The following KIF6 variants were observed in gnomAD, a reference collection of about 807,000 sequenced individuals.
KIF6 encodes the protein kinesin-like protein KIF6.
In KIF6, 106 loss-of-function variants were observed where a neutral mutation model predicts 112.7. That is an observed-to-expected ratio of 0.94 (90% CI 0.80 to 1.11). The LOEUF (loss-of-function observed/expected upper bound fraction) is 1.11. Among genes scored for constraint, KIF6 ranks in the 50% least tolerant of loss-of-function variants. The pLI, the probability that KIF6 is intolerant of heterozygous loss-of-function variation, is 0.00. For missense variants in KIF6, 929 were observed against 964.0 expected (o/e 0.96, Z 0.48); for synonymous variants, 339 against 339.9 (o/e 1.00, Z 0.03).
At chr6:39,439,468 C>T (rs1342768875) in intron 13 of KIF6, among the ~76,000 whole-genome samples, 2 of 152,180 alleles carry the variant, frequency 1.3e-5, no homozygotes, top group African/African-American at 4.8e-5. Context: ...AGAGGAATTT[C>T]TGAGTCTCAT....
At chr6:39,684,722 G>A (rs1787753571) in intron 3 of KIF6, among the ~76,000 whole-genome samples, 3 of 151,862 alleles carry the variant, frequency 2.0e-5, no homozygotes, top group South Asian at 2.1e-4. Flanking sequence ...CCTGGGGGAC[G>A]GAGGTTGCAG....
chr6:39,626,406 G>A (rs533074065), intron 5 of KIF6, among the ~76,000 whole-genome samples: 87 of 152,116 alleles, frequency 5.7e-4, no homozygotes, highest in Non-Finnish European at 1.0e-3. Context: ...TGGAATACTG[G>A]GATATGACAC....
intron 13 of KIF6, among the ~76,000 whole-genome samples, chr6:39,531,290 T>C (rs1342440496): frequency 6.6e-6 from 1 of 152,208 alleles, no homozygotes; most frequent in Non-Finnish European, 1.5e-5. Context: ...AACTCTAGTC[T>C]GTCTCAATAG....
chr6:39,346,642 ATTTTCTTT>A (rs1763830819), intron 19 of KIF6, 116 bp from the exon 20 acceptor site: 16 of 536,776 alleles, frequency 3.0e-5, no homozygotes, highest in East Asian at 2.4e-4. Context: ...TTACACAGTA[ATTTTCTTT>A]TTTTCTTTTT....
rs892728192 is a variant in KIF6 at position 39,330,114 on chromosome 6, A to T, written c.*6418T>A. 3.3e-5 allele frequency: 5 copies of T among 152,198 alleles called. No individual in the cohort carries two copies. The highest frequency in any genetic ancestry group is 1.2e-4 in the African/African-American group (5 of 41,450). 9.4% of individuals were successfully genotyped at this position (152,198 alleles called of 1,614,324 possible). A position where few individuals can be genotyped will look rare whatever the true frequency, so the allele number is the denominator to read the frequency against. On this transcript the variant is annotated 3_prime_UTR_variant, in exon 23 of 23. Coordinates refer to ENST00000287152, the MANE Select transcript of KIF6 (RefSeq NM_145027.6). Reference sequence around the variant, plus strand: ...GTGGCCCAATCCCAGGTAGTGCCATAAAAGAAATGCCACACCAGCCAGCGG... The same window carrying T: ...GTGGCCCAATCCCAGGTAGTGCCATTAAAGAAATGCCACACCAGCCAGCGG...
intron 10 of KIF6, among the ~76,000 whole-genome samples, chr6:39,561,599 C>T (rs1010385536): frequency 3.0e-4 from 46 of 152,066 alleles, no homozygotes; most frequent in African/African-American, 1.1e-3. Flanking sequence ...CTCAAGTGAT[C>T]CGCCTGCCTT....
At position 39,596,704 on chromosome 6, in the gene KIF6, A is replaced by T. The variant is rs112558107; in HGVS notation, c.640-444T>A. Among the ~76,000 whole-genome samples the T allele has an allele frequency of 3.8e-3, 578 of 152,318 alleles. 5 individuals carry two copies. The highest frequency in any genetic ancestry group is 0.013 in the African/African-American group (549 of 41,582). ...AACCTACCATCACTGTTACTACTCA[A>T]CACTAAAGTGGAGGCCCTAGACAAT... is the stretch of plus-strand genomic sequence containing the variant. On this transcript the variant is annotated intron_variant, in intron 6 of 22. Transcript: ENST00000287152.
intron 3 of KIF6, among the ~76,000 whole-genome samples, chr6:39,698,967 T>A (rs1360192884): frequency 6.6e-6 from 1 of 152,218 alleles, no homozygotes; most frequent in Non-Finnish European, 1.5e-5. Context: ...AAAAACACCT[T>A]GCAGTTATGT....
At chr6:39,474,322 C>T (rs1206511196) in intron 13 of KIF6, among the ~76,000 whole-genome samples, 2 of 152,202 alleles carry the variant, frequency 1.3e-5, no homozygotes, top group Admixed American at 6.5e-5. Flanking sequence ...TCCCCACTCA[C>T]ATTATTTTCC....
chr6:39,652,184 A>T (rs1785506475), intron 3 of KIF6, among the ~76,000 whole-genome samples: 1 of 152,214 alleles, frequency 6.6e-6, no homozygotes, highest in Non-Finnish European at 1.5e-5. Context: ...TAGTAGAGAT[A>T]CAGCATCATC....
intron 3 of KIF6, among the ~76,000 whole-genome samples, chr6:39,671,503 G>C (rs1190243773): frequency 6.6e-6 from 1 of 152,186 alleles, no homozygotes; most frequent in Non-Finnish European, 1.5e-5. Context: ...GAGGCTGGCA[G>C]GGGAAAGGAG....
intron 13 of KIF6, among the ~76,000 whole-genome samples, chr6:39,470,258 T>C (rs987300109): frequency 1.4e-4 from 22 of 151,802 alleles, no homozygotes; most frequent in South Asian, 1.0e-3. Flanking sequence ...AGTTCAGAGG[T>C]CTAGGAGCAA....
chr6:39,390,048 A>AAAG (rs1554206213), intron 15 of KIF6, among the ~76,000 whole-genome samples: 4,423 of 137,232 alleles, frequency 0.032, 136 homozygotes, highest in Non-Finnish European at 0.039. Context: ...AAAAAAAAAA[A>AAAG]AAAAGGAAAT....
At position 39,342,801 on chromosome 6, in the gene KIF6, G is replaced by T; in HGVS notation, c.2428+908C>A. On this transcript the variant is annotated intron_variant, in intron 22 of 22. Coordinates refer to ENST00000287152, the MANE Select transcript of KIF6 (RefSeq NM_145027.6). This position sits in a 1 kb window ranked among gnomAD's most constrained non-coding sequence, Gnocchi z 4.7. ...GCAAGGCGAGTACAGGACCAAGGCC[G>T]GCTCTCAGTTGCGGCGCTCCATCCA... The T allele has an allele frequency of 1.0e-6, 1 of 985,234 alleles. No individual in the cohort carries two copies. Among genetic ancestry groups the T allele is most frequent in the Non-Finnish European group, 1.2e-6 (1 of 829,902 alleles). The allele number at this position is 985,234 out of a possible 1,614,324, so 61.0% of individuals were successfully genotyped here.
chr6:39,397,574 C>T (rs758326905), intron 15 of KIF6, among the ~76,000 whole-genome samples: 5 of 152,114 alleles, frequency 3.3e-5, no homozygotes, highest in Non-Finnish European at 5.9e-5. Flanking sequence ...AATTCCAGTA[C>T]GCATGGCTCT....
At chr6:39,721,032 T>G (rs995543832) in intron 1 of KIF6, among the ~76,000 whole-genome samples, 2 of 152,226 alleles carry the variant, frequency 1.3e-5, no homozygotes, top group African/African-American at 4.8e-5. Context: ...TGTATCAAAG[T>G]CAGATCATCT....
chr6:39,513,666 T>C (rs1333255998), intron 13 of KIF6, among the ~76,000 whole-genome samples: 3 of 152,066 alleles, frequency 2.0e-5, no homozygotes, highest in Non-Finnish European at 4.4e-5. Context: ...ATTTGTGTAG[T>C]TCTTAGTTGC....
chr6:39,703,083 C>CA lies in KIF6; in HGVS notation c.251+11608_251+11609insT, dbSNP rs1370936848. Among the ~76,000 whole-genome samples, 15 of 47,590 alleles carry CA rather than the reference C, an allele frequency of 3.2e-4. 1 individual carries two copies. The highest frequency in any genetic ancestry group is 7.7e-4 in the Non-Finnish European group (12 of 15,516). The allele number at this position is 47,590 out of a possible 152,430, so 31.2% of individuals were successfully genotyped here. On this transcript the variant is annotated intron_variant, in intron 3 of 22. Coordinates refer to ENST00000287152, the MANE Select transcript of KIF6 (RefSeq NM_145027.6). Reference sequence around the variant, plus strand: ...CAAGACAAAATCCACCAACCCCCCACCCCCACTCCCGGCCACCAAGACAAA... The same window carrying CA: ...CAAGACAAAATCCACCAACCCCCCACACCCCACTCCCGGCCACCAAGACAAA...
At chr6:39,655,707 CA>C (rs911688677) in intron 3 of KIF6, among the ~76,000 whole-genome samples, 3 of 152,128 alleles carry the variant, frequency 2.0e-5, no homozygotes, top group Non-Finnish European at 4.4e-5. Flanking sequence ...CCACTTATAT[CA>C]TTAACTAAGT....
Sources: allele counts gnomAD v4.1 joint callset (sites outside exome capture counted in the v4.1 genomes callset), GRCh38; gene constraint gnomAD v4.1.1; non-coding constraint Gnocchi (gnomAD v3.1); transcripts MANE v1.5; gene names NCBI Gene and HGNC (gene_info 2026-07-23, HGNC 2026-07-21).